ZNF251: variants seen among roughly 807,000 people sequenced by gnomAD.
The protein encoded by ZNF251 is zinc finger protein 251.
A neutral mutation model predicts 13.5 loss-of-function variants in ZNF251; 14 were observed. The observed-to-expected ratio is 1.04, with a 90% CI of 0.69 to 1.63. The LOEUF (loss-of-function observed/expected upper bound fraction) is 1.63. ZNF251 is among the 40% of genes most tolerant of loss of function. The pLI is 0.00. For synonymous variants in ZNF251, 287 were observed against 295.2 expected (o/e 0.97, Z 0.28); for missense variants, 764 against 834.9 (o/e 0.92, Z 1.05).
rs368456856 is a variant in ZNF251, at chr8:144,742,476, C to G, written c.277+11207G>C. Among the ~76,000 whole-genome samples, 732 of 151,826 alleles carry G rather than the reference C, an allele frequency of 4.8e-3. 4 individuals carry two copies. The highest frequency in any genetic ancestry group is 0.017 in the Middle Eastern group (5 of 294). ...CACAGTTCCTGCATACCCCACCCCC[C>G]ACACACCTCCCCCACTACTTACCTC... On this transcript the variant is annotated intron_variant, in intron 4 of 4. Transcript: ENST00000292562.
intron 3 of ZNF251, 122 bp downstream of exon 3, chr8:144,754,070 T>C: frequency 7.3e-7 from 1 of 1,372,414 alleles, no homozygotes; most frequent in Non-Finnish European, 9.8e-7. Context: ...TCTGTAGAGA[T>C]CAGACTGATA....
intron 4 of ZNF251, among the ~76,000 whole-genome samples, chr8:144,726,397 TG>T (rs1377797432): frequency 6.6e-6 from 1 of 150,616 alleles, no homozygotes; most frequent in Non-Finnish European, 1.5e-5. Flanking sequence ...ATTAGCCAGG[TG>T]TGGTGGCGCA....
In ZNF251 at chr8:144,754,769, G is replaced by C. The variant is rs765689257; in HGVS notation, c.-41C>G. On this transcript the variant is annotated 5_prime_UTR_variant, in exon 2 of 5. Transcript: ENST00000292562. ...TGCTGTGGTTTCCAAGAGAAGACAG[G>C]AGACTGCCCTGGCCTGAAGTCTCCC... is the stretch of plus-strand genomic sequence containing the variant. 2.5e-6 allele frequency: 4 copies of C among 1,607,196 alleles called. No individual in the cohort carries two copies. The highest frequency in any genetic ancestry group is 3.4e-6 in the Non-Finnish European group (4 of 1,176,950).
In ZNF251 at chr8:144,724,160, C is replaced by T. The variant is rs573204120; in HGVS notation, c.278-778G>A. 2.8e-3 allele frequency among the ~76,000 whole-genome samples: 407 copies of T among 146,418 alleles called. 5 individuals carry two copies. The highest frequency in any genetic ancestry group is 4.1e-3 in the African/African-American group (163 of 39,530). On this transcript the variant is annotated intron_variant, in intron 4 of 4. Transcript: ENST00000292562. ...TCAGGAGGCTGAGGCAGGAGAATGG[C>T]GTGAACCCAGGAGGCGGAGCGAACC... is the stretch of plus-strand genomic sequence containing the variant.
Position 144,754,291 on chromosome 8 carries a change from C to CCT in ZNF251, c.63_64insAG (p.Val22ArgfsTer23). The CCT allele has an allele frequency of 1.2e-6, 2 of 1,612,232 alleles. No homozygotes were observed. Among genetic ancestry groups the CCT allele is most frequent in the East Asian group, 4.5e-5 (2 of 44,834 alleles). ...CGCCCCTCCGCCTGAGAGAAGTACA[C>CCT]GGCCACATCCTGGAAGGTCAGCGGC... On this transcript the variant is annotated frameshift_variant, in exon 3 of 5. Coordinates refer to ENST00000292562, the MANE Select transcript of ZNF251 (RefSeq NM_138367.2). LOFTEE classifies it high-confidence loss of function.
chr8:144,730,146 AG>A (rs1446519840), intron 4 of ZNF251: 1 of 981,458 alleles, frequency 1.0e-6, no homozygotes, highest in African/African-American at 1.7e-5. Flanking sequence ...GGAACCAAAC[AG>A]GGAAGTGGAG....
rs1428145807 is a variant in ZNF251 at position 144,723,069 on chromosome 8, A to G, written c.591T>C (p.Val197=). Residue 197 remains valine (V), a synonymous_variant, in exon 5 of 5, where the codon GTT becomes GTC. Transcript: ENST00000292562. ...CTCCTGTTTTATTTCTTTGAAGTCT[A>G]ACAACATTTTGGTCCAGATTCAAGT... ...DRNLNLDQNV[V]RLQRNKTGER... 1 of 1,614,048 alleles carries G rather than the reference A, an allele frequency of 6.2e-7. No homozygotes were observed. The highest frequency in any genetic ancestry group is 1.7e-5 in the Admixed American group (1 of 60,026).
Position 144,722,456 on chromosome 8 carries a change from C to T in ZNF251, c.1204G>A (p.Glu402Lys). 5 of 1,614,084 alleles carry T rather than the reference C, an allele frequency of 3.1e-6. No homozygotes were observed. Among genetic ancestry groups the T allele is most frequent in the Non-Finnish European group, 4.2e-6 (5 of 1,179,980 alleles). Reference protein sequence around the residue: ...LFLHHRVHTGEKPYVCNECGR... With the variant: ...LFLHHRVHTGKKPYVCNECGR... ...CATTCATTACATACATAGGGTTTCT[C>T]TCCAGTATGAACCCGATGATGGAGG... The change falls in exon 5 of 5, where the codon GAG becomes AAG. Residue 402 changes from glutamate to lysine, a missense_variant. Physicochemically the swap from Glu to Lys is moderately conservative, Grantham distance 56. Transcript: ENST00000292562. The surrounding 1 kb of genome is among the most constrained non-coding windows in gnomAD (Gnocchi z 4.8).
chr8:144,745,963 T>C (rs1485094892), intron 4 of ZNF251, among the ~76,000 whole-genome samples: 1 of 152,238 alleles, frequency 6.6e-6, no homozygotes, highest in Non-Finnish European at 1.5e-5. Flanking sequence ...TAGCTCTTCT[T>C]TGATATATTT....
chr8:144,723,480 G>C, intron 4 of ZNF251, 98 bp from the exon 5 acceptor site: 2 of 847,346 alleles, frequency 2.4e-6, no homozygotes, highest in South Asian at 9.6e-5. Flanking sequence ...TCATGCAGAA[G>C]GCAGATGCTC....
chr8:144,721,235 T>C lies in ZNF251; in HGVS notation c.*409A>G, dbSNP rs1823364453. ...GCCCCCAGCAGGCCCAAGTTCTCTG[T>C]ACCACACTTGGAGGCAGGTATATGG... is the stretch of plus-strand genomic sequence containing the variant. On this transcript the variant is annotated 3_prime_UTR_variant, in exon 5 of 5. Transcript: ENST00000292562. 1 of 241,028 alleles carries C rather than the reference T, an allele frequency of 4.1e-6. No individual in the cohort carries two copies. The highest frequency in any genetic ancestry group is 7.9e-6 in the Non-Finnish European group (1 of 126,866). The allele number at this position is 241,028 out of a possible 1,614,324, so 14.9% of individuals were successfully genotyped here.
At position 144,722,922 on chromosome 8, in the gene ZNF251, A is replaced by G; in HGVS notation, c.738T>C (p.Phe246=). ...GCAGAACAAGATTTGAGCTGTGAGT[A>G]AAGGCTCGCCCACACCGGCCACATT... The part of the protein sequence containing the change: ...PYECGRCGRA[F]THSSNLVLHH... Residue 246 remains phenylalanine (F), a synonymous_variant, in exon 5 of 5, where the codon TTT becomes TTC. Coordinates refer to ENST00000292562, the MANE Select transcript of ZNF251 (RefSeq NM_138367.2). This position sits in a 1 kb window ranked among gnomAD's most constrained non-coding sequence, Gnocchi z 4.8. 6.2e-7 allele frequency: 1 copy of G among 1,613,710 alleles called. No individual in the cohort carries two copies. The highest frequency in any genetic ancestry group is 8.5e-7 in the Non-Finnish European group (1 of 1,179,780).
Position 144,722,643 on chromosome 8 carries a change from A to G in ZNF251, c.1017T>C (p.His339=). 2 of 1,614,026 alleles carry G rather than the reference A, an allele frequency of 1.2e-6. No homozygotes were observed. Among genetic ancestry groups the G allele is most frequent in the Admixed American group, 1.7e-5 (1 of 60,010 alleles). The part of the protein sequence containing the change: ...GFSQSPQLTQ[H]QRIHTGEKPH... ...GCTTCTCTCCAGTGTGAATTCTCTG[A>G]TGCTGAGTTAACTGGGGGCTCTGGC... is the stretch of plus-strand genomic sequence containing the variant. Residue 339 remains histidine, a synonymous_variant, in exon 5 of 5, where the codon CAT becomes CAC. Coordinates refer to ENST00000292562, the MANE Select transcript of ZNF251 (RefSeq NM_138367.2). The surrounding 1 kb of genome is among the most constrained non-coding windows in gnomAD (Gnocchi z 4.8).
rs1304684183 is a variant in ZNF251, at chr8:144,722,785, G to A, written c.875C>T (p.Pro292Leu). ...LHRRIHTGEK[P>L]FGCGECGKAF... is the part of the protein sequence containing the mutation. The stretch of plus-strand genomic sequence containing the variant: ...CTTCCCACACTCACCACAGCCAAAG[G>A]GTTTTTCTCCAGTGTGAATTCTCCG... Residue 292 changes from proline (P) to leucine (L), a missense_variant, in exon 5 of 5, where the codon CCC becomes CTC. Coordinates refer to ENST00000292562, the MANE Select transcript of ZNF251 (RefSeq NM_138367.2). The surrounding 1 kb of genome is among the most constrained non-coding windows in gnomAD (Gnocchi z 4.8). 1.9e-6 allele frequency: 3 copies of A among 1,614,002 alleles called. No individual in the cohort carries two copies. The highest frequency in any genetic ancestry group is 1.7e-5 in the Admixed American group (1 of 60,000).
intron 4 of ZNF251, among the ~76,000 whole-genome samples, chr8:144,732,741 G>T (rs1292233040): frequency 2.0e-5 from 3 of 151,270 alleles, no homozygotes; most frequent in Non-Finnish European, 2.9e-5. Context: ...GAACCCGGGA[G>T]GCGGAGCTTG....
In ZNF251 at chr8:144,721,243, T is replaced by G; in HGVS notation, c.*401A>C. The G allele has an allele frequency of 2.0e-5, 5 of 251,134 alleles. No homozygotes were observed. The allele number at this position is 251,134 out of a possible 1,614,324, so 15.6% of individuals were successfully genotyped here. On this transcript the variant is annotated 3_prime_UTR_variant, in exon 5 of 5. Transcript: ENST00000292562. Reference sequence around the variant, plus strand: ...CAGGCCCAAGTTCTCTGTACCACACTTGGAGGCAGGTATATGGGACTGAAA... The same window carrying G: ...CAGGCCCAAGTTCTCTGTACCACACGTGGAGGCAGGTATATGGGACTGAAA...
intron 4 of ZNF251, among the ~76,000 whole-genome samples, chr8:144,735,610 C>T (rs1185889857): frequency 1.3e-5 from 2 of 152,090 alleles, no homozygotes; most frequent in Admixed American, 6.6e-5. Context: ...TCACGGAAGC[C>T]TCACCGGGTG....
chr8:144,744,081 T>G (rs557554009), intron 4 of ZNF251, among the ~76,000 whole-genome samples: 1 of 144,210 alleles, frequency 6.9e-6, no homozygotes, highest in South Asian at 2.4e-4. Flanking sequence ...TGGCTCAGTC[T>G]CGGCTCACTG....
At chr8:144,730,513 C>T (rs1227524540) in intron 4 of ZNF251, among the ~76,000 whole-genome samples, 1 of 89,498 alleles carries the variant, frequency 1.1e-5, no homozygotes, top group Non-Finnish European at 2.2e-5. Context: ...GACGCTGCGA[C>T]GGGGCGTCCC....
Sources: allele counts gnomAD v4.1 joint callset (sites outside exome capture counted in the v4.1 genomes callset), GRCh38; gene constraint gnomAD v4.1.1; non-coding constraint Gnocchi (gnomAD v3.1); transcripts MANE v1.5; gene names NCBI Gene and HGNC (gene_info 2026-07-23, HGNC 2026-07-21).